The following PBX3 variants were observed in gnomAD, a reference collection of about 807,000 sequenced individuals.
PBX3 encodes pre-B-cell leukemia transcription factor 3.
Under a neutral mutation model 48.5 loss-of-function variants are expected in PBX3, and 14 were observed. The observed-to-expected ratio is 0.29, with a 90% CI of 0.19 to 0.45. The LOEUF is 0.45. Among genes scored for constraint, PBX3 ranks in the 20% least tolerant of loss-of-function variants. PBX3 has a pLI of 1.00. For synonymous variants in PBX3, 210 were observed against 200.3 expected (o/e 1.05, Z -0.41); for missense variants, 386 against 546.7 (o/e 0.71, Z 2.93).
At chr9:125,895,671 TAAAA>T (rs903070167) in intron 2 of PBX3, among the ~76,000 whole-genome samples, 1 of 152,072 alleles carries the variant, frequency 6.6e-6, no homozygotes, top group Non-Finnish European at 1.5e-5. Context: ...TTCTTAAACA[TAAAA>T]AGAAGAGCAT....
intron 2 of PBX3, among the ~76,000 whole-genome samples, chr9:125,780,904 T>G (rs1366038001): frequency 7.1e-6 from 1 of 141,248 alleles, no homozygotes. Context: ...GCGGAGGGTC[T>G]CCTCACTTCT....
At chr9:125,921,662 C>T (rs1366616847) in intron 3 of PBX3, among the ~76,000 whole-genome samples, 2 of 152,076 alleles carry the variant, frequency 1.3e-5, no homozygotes, top group African/African-American at 4.8e-5. Context: ...GCATATTGGT[C>T]TCATTCTAGT....
At position 125,754,583 on chromosome 9, in the gene PBX3, T is replaced by G. The variant is rs189478537; in HGVS notation, c.274+5960T>G. 1.9e-4 allele frequency among the ~76,000 whole-genome samples: 23 copies of G among 122,406 alleles called. No homozygotes were observed. In the East Asian group the frequency reaches 5.8e-3, roughly 31 times the overall value. 80.3% of individuals were successfully genotyped at this position (122,406 alleles called of 152,430 possible). A position where few individuals can be genotyped will look rare whatever the true frequency, so the allele number is the denominator to read the frequency against. On this transcript the variant is annotated intron_variant, in intron 2 of 8. Coordinates refer to ENST00000373489, the MANE Select transcript of PBX3 (RefSeq NM_006195.6). ...AAAAATAAACCACCTTTTTATGCCT[T>G]CAAACTCAGAACATATTAAAAAATA...
intron 2 of PBX3, among the ~76,000 whole-genome samples, chr9:125,800,208 A>G (rs1837898825): frequency 6.6e-6 from 1 of 152,202 alleles, no homozygotes; most frequent in African/African-American, 2.4e-5. Flanking sequence ...ACAGATGTCT[A>G]CTGAAAAGAT....
intron 2 of PBX3, among the ~76,000 whole-genome samples, chr9:125,784,376 G>A (rs1340245056): frequency 6.6e-6 from 1 of 152,132 alleles, no homozygotes; most frequent in Non-Finnish European, 1.5e-5. Flanking sequence ...TGATCCGTCT[G>A]CCTCAGCCTC....
At chr9:125,963,725 G>A (rs925383477) in intron 8 of PBX3, among the ~76,000 whole-genome samples, 1 of 152,140 alleles carries the variant, frequency 6.6e-6, no homozygotes. Context: ...GTGCTGCGGG[G>A]TGTGGTGGAT....
At chr9:125,846,626 G>T (rs1564136381) in intron 2 of PBX3, among the ~76,000 whole-genome samples, 1 of 151,808 alleles carries the variant, frequency 6.6e-6, no homozygotes, top group African/African-American at 2.4e-5. Flanking sequence ...GGCCAATCCT[G>T]CCCCATTGTC....
intron 5 of PBX3, among the ~76,000 whole-genome samples, chr9:125,954,503 A>G (rs538513194): frequency 7.9e-5 from 12 of 152,328 alleles, no homozygotes; most frequent in Admixed American, 5.9e-4. Context: ...AAAGAAGAGC[A>G]TAAAATTTTA....
chr9:125,807,463 G>A (rs1000044934), intron 2 of PBX3, among the ~76,000 whole-genome samples: 1 of 152,232 alleles, frequency 6.6e-6, no homozygotes, highest in African/African-American at 2.4e-5. Context: ...TCTGGTAGAG[G>A]TTGGGACACT....
intron 5 of PBX3, among the ~76,000 whole-genome samples, chr9:125,943,295 C>G (rs924075385): frequency 7.9e-6 from 1 of 127,346 alleles, no homozygotes; most frequent in African/African-American, 3.0e-5. Flanking sequence ...GTGGAGGTTG[C>G]AGTGAGCCAA....
intron 2 of PBX3, among the ~76,000 whole-genome samples, chr9:125,847,758 A>G (rs534621929): frequency 2.7e-4 from 40 of 149,768 alleles, no homozygotes; most frequent in Non-Finnish European, 4.7e-4. Context: ...TGAGCAAAAT[A>G]TGGTCTAGGG....
Position 125,966,016 on chromosome 9 carries a change from T to A in PBX3, c.*93T>A. On this transcript the variant is annotated 3_prime_UTR_variant, in exon 9 of 9. Transcript: ENST00000373489. Reference sequence around the variant, plus strand: ...GAAAGCGTTTTTGTAGCCCACCATCTACAGCTTTACTGTAAAACCTTGTCT... The same window carrying A: ...GAAAGCGTTTTTGTAGCCCACCATCAACAGCTTTACTGTAAAACCTTGTCT... 1.2e-6 allele frequency: 1 copy of A among 803,772 alleles called. No individual in the cohort carries two copies. The highest frequency in any genetic ancestry group is 2.1e-6 in the Non-Finnish European group (1 of 470,814). The allele number at this position is 803,772 out of a possible 1,614,324, so 49.8% of individuals were successfully genotyped here. A position where few individuals can be genotyped will look rare whatever the true frequency, so the allele number is the denominator to read the frequency against.
At chr9:125,892,809 T>C (rs1564159851) in intron 2 of PBX3, among the ~76,000 whole-genome samples, 2 of 152,162 alleles carry the variant, frequency 1.3e-5, no homozygotes, top group Non-Finnish European at 2.9e-5. Flanking sequence ...AAATTATACT[T>C]GGAAATAGGA....
intron 4 of PBX3, among the ~76,000 whole-genome samples, chr9:125,932,752 T>G (rs1841746371): frequency 6.6e-6 from 1 of 152,252 alleles, no homozygotes; most frequent in Non-Finnish European, 1.5e-5. Context: ...CTTGTCAACA[T>G]GCATGCTTAT....
At chr9:125,807,944 A>G (rs895924895) in intron 2 of PBX3, among the ~76,000 whole-genome samples, 6 of 152,236 alleles carry the variant, frequency 3.9e-5, no homozygotes, top group African/African-American at 1.4e-4. Flanking sequence ...TAATTGAGTT[A>G]TTAAGTCTGT....
At chr9:125,935,652 G>A (rs1841819876) in intron 5 of PBX3, 45 bp downstream of exon 5, 1 of 1,550,354 alleles carries the variant, frequency 6.5e-7, no homozygotes, top group African/African-American at 1.4e-5. Context: ...GTGGAGACAG[G>A]AACCTCATTC....
intron 2 of PBX3, among the ~76,000 whole-genome samples, chr9:125,800,953 A>G (rs1837926490): frequency 6.6e-6 from 1 of 151,894 alleles, no homozygotes; most frequent in Non-Finnish European, 1.5e-5. Context: ...GGATTTCACC[A>G]TGTTGGCCAG....
At chr9:125,938,740 C>A (rs1007343630) in intron 5 of PBX3, among the ~76,000 whole-genome samples, 1 of 152,130 alleles carries the variant, frequency 6.6e-6, no homozygotes, top group Non-Finnish European at 1.5e-5. Context: ...AGAGATAGGA[C>A]AAGTAATTGC....
chr9:125,911,050 C>A (rs961319171), intron 2 of PBX3, among the ~76,000 whole-genome samples: 1 of 152,056 alleles, frequency 6.6e-6, no homozygotes, highest in Non-Finnish European at 1.5e-5. Context: ...TAACTGAGAA[C>A]CTTACCCTCC....
Sources: allele counts gnomAD v4.1 joint callset (sites outside exome capture counted in the v4.1 genomes callset), GRCh38; gene constraint gnomAD v4.1.1; transcripts MANE v1.5; gene names NCBI Gene and HGNC (gene_info 2026-07-23, HGNC 2026-07-21).